Variants in PCDH15 observed in about 807,000 individuals in gnomAD.
PCDH15 encodes the protein protocadherin related 15, also known as protocadherin-15.
In PCDH15, 129 loss-of-function variants were observed where a neutral mutation model predicts 178.5. The ratio of observed to expected loss-of-function variants is 0.72; its 90% CI spans 0.63 to 0.84. The LOEUF is 0.84. PCDH15 is among the 40% of genes least tolerant of loss of function. PCDH15 has a pLI of 0.00. For missense variants in PCDH15, 2,230 were observed against 2,099.9 expected (o/e 1.06, Z -1.21); for synonymous variants, 800 against 732.0 (o/e 1.09, Z -1.50).
At chr10:54,771,973 A>C (rs1035717624) in intron 1 of PCDH15, among the ~76,000 whole-genome samples, 2 of 152,182 alleles carry the variant, frequency 1.3e-5, no homozygotes, top group Non-Finnish European at 2.9e-5. Context: ...CTTTATAAGT[A>C]TTCGGTGGAA....
At chr10:53,879,806 T>C (rs150639836) in intron 26 of PCDH15, among the ~76,000 whole-genome samples, 2,124 of 152,278 alleles carry the variant, frequency 0.014, 93 homozygotes, top group East Asian at 0.13. Flanking sequence ...GGTTTTGCCA[T>C]GTTGGCCAGG....
intron 1 of PCDH15, among the ~76,000 whole-genome samples, chr10:55,214,365 C>G (rs939614913): frequency 2.0e-5 from 3 of 151,832 alleles, no homozygotes; most frequent in Non-Finnish European, 4.4e-5. Context: ...TTTCTACAAT[C>G]ATGATATATT....
intron 2 of PCDH15, among the ~76,000 whole-genome samples, chr10:54,614,659 G>C (rs1050689643): frequency 1.3e-5 from 2 of 151,738 alleles, no homozygotes; most frequent in African/African-American, 4.8e-5. Context: ...TAAGCTTCTG[G>C]TCAGGGTGCT....
intron 1 of PCDH15, among the ~76,000 whole-genome samples, chr10:55,189,359 T>A (rs953620139): frequency 1.3e-5 from 2 of 151,960 alleles, no homozygotes; most frequent in Non-Finnish European, 2.9e-5. Context: ...TTTTTTTAAA[T>A]GTATGTTCAA....
intron 2 of PCDH15, among the ~76,000 whole-genome samples, chr10:55,436,888 A>T (rs1364414838): frequency 6.6e-6 from 1 of 152,178 alleles, no homozygotes; most frequent in East Asian, 1.9e-4. Flanking sequence ...TTTTGCCACC[A>T]TTACAACAAA....
At chr10:54,496,781 CAT>C (rs1458057235) in intron 3 of PCDH15, among the ~76,000 whole-genome samples, 1 of 152,066 alleles carries the variant, frequency 6.6e-6, no homozygotes, top group African/African-American at 2.4e-5. Context: ...AAATTTCAAA[CAT>C]ATATTTAAAA....
chr10:55,551,937 A>T (rs960379521), intron 2 of PCDH15, among the ~76,000 whole-genome samples: 2 of 151,764 alleles, frequency 1.3e-5, no homozygotes, highest in Admixed American at 6.6e-5. Flanking sequence ...AAAATTTAGC[A>T]TTATTTTTTC....
At chr10:55,446,992 T>A (rs139795658) in intron 2 of PCDH15, among the ~76,000 whole-genome samples, 124 of 151,870 alleles carry the variant, frequency 8.2e-4, no homozygotes, top group African/African-American at 2.8e-3. Flanking sequence ...GAGAGACAGA[T>A]AAAACAGAAG....
At chr10:54,707,784 T>TA (rs1016836898) in intron 1 of PCDH15, among the ~76,000 whole-genome samples, 31 of 151,762 alleles carry the variant, frequency 2.0e-4, no homozygotes, top group Admixed American at 5.9e-4. Flanking sequence ...TATACAAAGA[T>TA]AAAAAAAACC....
chr10:53,867,231 G>A (rs1414417640), intron 26 of PCDH15, among the ~76,000 whole-genome samples: 1 of 151,676 alleles, frequency 6.6e-6, no homozygotes, highest in Non-Finnish European at 1.5e-5. Context: ...ATATGAATAA[G>A]AACATGTATG....
At chr10:54,843,454 T>G (rs1274986808) in intron 3 of PCDH15, among the ~76,000 whole-genome samples, 1 of 151,962 alleles carries the variant, frequency 6.6e-6, no homozygotes, top group African/African-American at 2.4e-5. Flanking sequence ...TAATTGTGAT[T>G]TATGTGTGTC....
intron 16 of PCDH15, among the ~76,000 whole-genome samples, chr10:54,081,906 C>G (rs2094442084): frequency 6.6e-6 from 1 of 152,078 alleles, no homozygotes; most frequent in Admixed American, 6.6e-5. Context: ...AAGCAGGGAC[C>G]TTCAACAGCA....
intron 3 of PCDH15, among the ~76,000 whole-genome samples, chr10:54,390,935 T>G (rs1424613383): frequency 6.6e-6 from 1 of 152,114 alleles, no homozygotes; most frequent in Non-Finnish European, 1.5e-5. Flanking sequence ...GCCTTTTCTA[T>G]AGGTTAAGAG....
intron 2 of PCDH15, among the ~76,000 whole-genome samples, chr10:55,504,357 G>A (rs1840717710): frequency 6.6e-6 from 1 of 151,370 alleles, no homozygotes; most frequent in African/African-American, 2.4e-5. Flanking sequence ...TTGAAAATAT[G>A]TTGGATATAT....
chr10:54,111,972 C>CAAA lies in PCDH15; in HGVS notation c.1917+20900_1917+20902dup, dbSNP rs369333708. Among the ~76,000 whole-genome samples the CAAA allele has an allele frequency of 1.1e-3, 111 of 97,554 alleles. 6 individuals are homozygous for CAAA. Among genetic ancestry groups the CAAA allele is most frequent in the African/African-American group, 3.2e-3 (84 of 26,586 alleles). The allele number at this position is 97,554 out of a possible 152,430, so 64.0% of individuals were successfully genotyped here. ...TGAAACCCCATCTCTACCAAAAATACAAAAAAAAAAAAAAACAAAACTTAG... is the reference window on the plus strand; with the variant it reads ...TGAAACCCCATCTCTACCAAAAATACAAAAAAAAAAAAAAAAAACAAAACTTAG... On this transcript the variant is annotated intron_variant, in intron 15 of 37. Transcript: ENST00000644397.
At chr10:54,215,244 G>T (rs1564700844) in intron 9 of PCDH15, among the ~76,000 whole-genome samples, 1 of 152,022 alleles carries the variant, frequency 6.6e-6, no homozygotes, top group East Asian at 1.9e-4. Flanking sequence ...AATCCAGGCT[G>T]CCAGATGTTA....
chr10:55,216,314 T>C (rs549530591), intron 1 of PCDH15, among the ~76,000 whole-genome samples: 2 of 152,114 alleles, frequency 1.3e-5, no homozygotes, highest in African/African-American at 2.4e-5. Context: ...TCTACTGATA[T>C]TTTCAATTTC....
intron 21 of PCDH15, among the ~76,000 whole-genome samples, chr10:53,992,694 C>G (rs1483580756): frequency 3.9e-5 from 6 of 152,128 alleles, no homozygotes; most frequent in African/African-American, 1.4e-4. Context: ...TGAAACGTCT[C>G]TGGTGAAAAG....
At chr10:54,337,042 C>T (rs1182198649) in intron 6 of PCDH15, among the ~76,000 whole-genome samples, 2 of 151,996 alleles carry the variant, frequency 1.3e-5, no homozygotes, top group African/African-American at 4.8e-5. Context: ...TTTGACTGCC[C>T]CACTGGATTT....
Sources: allele counts gnomAD v4.1 joint callset (sites outside exome capture counted in the v4.1 genomes callset), GRCh38; gene constraint gnomAD v4.1.1; transcripts MANE v1.5; gene names NCBI Gene and HGNC (gene_info 2026-07-23, HGNC 2026-07-21).